PTPRT: variants seen among roughly 807,000 people sequenced by gnomAD.
PTPRT encodes the protein protein tyrosine phosphatase receptor type T.
In PTPRT, 56 loss-of-function variants were observed where a neutral mutation model predicts 176.8. The ratio of observed to expected loss-of-function variants is 0.32; its 90% CI spans 0.26 to 0.40. PTPRT has a LOEUF of 0.40. Ranked by LOEUF, PTPRT falls within the 10% of genes least tolerant of loss-of-function variation. The pLI is 1.00. For missense variants in PTPRT, 1,540 were observed against 1,908.2 expected, an observed-to-expected ratio of 0.81 and a Z score of 3.60; for synonymous variants, 783 against 739.0, an observed-to-expected ratio of 1.06 and a Z score of -0.96.
intron 1 of PTPRT, among the ~76,000 whole-genome samples, chr20:43,188,201 AC>A (rs1375836413): frequency 6.6e-6 from 1 of 151,116 alleles, no homozygotes; most frequent in Non-Finnish European, 1.5e-5. Flanking sequence ...CACCTAACAC[AC>A]CCCCCAAAAT....
At chr20:42,619,628 C>T (rs1446979564) in intron 7 of PTPRT, among the ~76,000 whole-genome samples, 5 of 134,548 alleles carry the variant, frequency 3.7e-5, no homozygotes, top group Non-Finnish European at 1.5e-5. Context: ...TTCTTGGAGG[C>T]TTTGCTCATT....
intron 4 of PTPRT, among the ~76,000 whole-genome samples, chr20:42,772,430 AG>A (rs2077076290): frequency 6.6e-6 from 1 of 152,188 alleles, no homozygotes; most frequent in Non-Finnish European, 1.5e-5. Flanking sequence ...TAACAGGGAA[AG>A]GGTCTTTCAA....
At chr20:42,580,565 C>A (rs1265694195) in intron 7 of PTPRT, among the ~76,000 whole-genome samples, 1 of 151,904 alleles carries the variant, frequency 6.6e-6, no homozygotes, top group Non-Finnish European at 1.5e-5. Flanking sequence ...TTGTTTGTAT[C>A]CTCTTTTATT....
intron 1 of PTPRT, among the ~76,000 whole-genome samples, chr20:43,061,260 C>T (rs1323233141): frequency 2.0e-5 from 3 of 152,196 alleles, no homozygotes; most frequent in Non-Finnish European, 4.4e-5. Context: ...ATCTACTCAA[C>T]TGTAGGGTGG....
intron 6 of PTPRT, among the ~76,000 whole-genome samples, chr20:42,690,552 G>A (rs1376755132): frequency 6.6e-6 from 1 of 152,158 alleles, no homozygotes; most frequent in Non-Finnish European, 1.5e-5. Context: ...CATGCTGGGT[G>A]AGTCTCCCCT....
At chr20:42,217,579 C>T (rs748227769) in intron 15 of PTPRT, among the ~76,000 whole-genome samples, 4 of 152,122 alleles carry the variant, frequency 2.6e-5, no homozygotes, top group Non-Finnish European at 4.4e-5. Context: ...CCACTGGAAA[C>T]ACAGCTTCCT....
intron 27 of PTPRT, 146 bp downstream of exon 27, chr20:42,098,275 T>C: frequency 8.9e-7 from 1 of 1,128,384 alleles, no homozygotes; most frequent in Non-Finnish European, 1.2e-6. Flanking sequence ...CAGAATGGCT[T>C]GTCTGATGCT....
At chr20:42,839,242 C>G (rs1194771146) in intron 2 of PTPRT, among the ~76,000 whole-genome samples, 1 of 151,614 alleles carries the variant, frequency 6.6e-6, no homozygotes, top group African/African-American at 2.4e-5. Context: ...TTTCTTTAGT[C>G]TCAGAGCAAA....
intron 7 of PTPRT, among the ~76,000 whole-genome samples, chr20:42,473,406 G>C (rs1402379621): frequency 1.3e-5 from 2 of 152,026 alleles, no homozygotes. Flanking sequence ...TAATAAACAT[G>C]ATGTTTTTCA....
At chr20:42,166,845 A>G (rs1193492669) in intron 16 of PTPRT, among the ~76,000 whole-genome samples, 2 of 151,836 alleles carry the variant, frequency 1.3e-5, no homozygotes, top group Non-Finnish European at 2.9e-5. Context: ...TACTTGAACC[A>G]GGGAGGTGGA....
intron 7 of PTPRT, among the ~76,000 whole-genome samples, chr20:42,650,008 C>G (rs552414969): frequency 2.0e-5 from 3 of 152,322 alleles, no homozygotes; most frequent in South Asian, 4.1e-4. Flanking sequence ...CACCACTCTG[C>G]TTTACATCTC....
At chr20:42,191,117 C>A (rs1990984715) in intron 16 of PTPRT, among the ~76,000 whole-genome samples, 1 of 151,766 alleles carries the variant, frequency 6.6e-6, no homozygotes, top group Non-Finnish European at 1.5e-5. Context: ...TGTAGTAATT[C>A]CTACATTTCA....
chr20:42,965,788 C>T (rs531129533), intron 1 of PTPRT, among the ~76,000 whole-genome samples: 1 of 152,054 alleles, frequency 6.6e-6, no homozygotes, highest in Non-Finnish European at 1.5e-5. Context: ...TTAAGAAATC[C>T]CAAACGATAC....
intron 2 of PTPRT, among the ~76,000 whole-genome samples, chr20:42,810,965 T>C (rs1027640848): frequency 1.3e-5 from 2 of 152,252 alleles, no homozygotes; most frequent in Non-Finnish European, 2.9e-5. Context: ...TTTCCTTTTA[T>C]GCTCTTTAAA....
At chr20:42,292,120 AC>A (rs1165904371) in intron 12 of PTPRT, among the ~76,000 whole-genome samples, 2 of 151,782 alleles carry the variant, frequency 1.3e-5, no homozygotes, top group Non-Finnish European at 2.9e-5. Context: ...CCACCATCCC[AC>A]CCCACCTCAC....
At chr20:42,157,629 C>A (rs935108691) in intron 17 of PTPRT, among the ~76,000 whole-genome samples, 2 of 152,056 alleles carry the variant, frequency 1.3e-5, no homozygotes, top group Non-Finnish European at 2.9e-5. Flanking sequence ...TTTCTTCCCC[C>A]CCCAATATTT....
chr20:42,107,962 A>AGTTTG (rs1350187317), intron 23 of PTPRT, among the ~76,000 whole-genome samples: 1 of 152,200 alleles, frequency 6.6e-6, no homozygotes, highest in Non-Finnish European at 1.5e-5. Flanking sequence ...GTCTGACTTA[A>AGTTTG]GTTTGCTTCA....
intron 1 of PTPRT, among the ~76,000 whole-genome samples, chr20:43,094,311 C>G (rs1161964795): frequency 1.3e-5 from 2 of 150,424 alleles, no homozygotes; most frequent in Non-Finnish European, 1.5e-5. Context: ...TGGTCTCCAT[C>G]TCTTGACCTC....
At chr20:42,402,023 G>T (rs927092391) in intron 9 of PTPRT, among the ~76,000 whole-genome samples, 3 of 152,246 alleles carry the variant, frequency 2.0e-5, no homozygotes, top group Non-Finnish European at 4.4e-5. Context: ...AAATTGGTTC[G>T]CTCTGATTCT....
Sources: allele counts gnomAD v4.1 joint callset (sites outside exome capture counted in the v4.1 genomes callset), GRCh38; gene constraint gnomAD v4.1.1; transcripts MANE v1.5; gene names NCBI Gene and HGNC (gene_info 2026-07-23, HGNC 2026-07-21).